Variants in BTBD1 observed in about 807,000 individuals in gnomAD.
BTBD1 encodes BTB domain containing 1, also known as BTB/POZ domain-containing protein 1.
In BTBD1, 34 loss-of-function variants were observed where a neutral mutation model predicts 48.0. That is an observed-to-expected ratio of 0.71 (90% CI 0.54 to 0.94). The LOEUF (loss-of-function observed/expected upper bound fraction) is 0.94, where lower values mean the gene tolerates loss of function less well. BTBD1 is among the 40% of genes least tolerant of loss of function. BTBD1 has a pLI of 0.00. For synonymous variants in BTBD1, 261 were observed against 242.1 expected, an observed-to-expected ratio of 1.08 and a Z score of -0.72; for missense variants, 543 against 625.6, an observed-to-expected ratio of 0.87 and a Z score of 1.41.
chr15:83,024,024 A>C (rs950181004), intron 5 of BTBD1: 1 of 152,144 alleles, frequency 6.6e-6, no homozygotes, highest in Non-Finnish European at 1.5e-5. Flanking sequence ...ACACGCTACC[A>C]TGCTCAGCTA....
At chr15:83,021,322 G>A (rs1374077051) in intron 5 of BTBD1, among the ~76,000 whole-genome samples, 1 of 152,194 alleles carries the variant, frequency 6.6e-6, no homozygotes, top group Non-Finnish European at 1.5e-5. Flanking sequence ...ACAGAATACT[G>A]GTAGCAGAGG....
At chr15:83,021,722 A>C (rs1346831862) in intron 5 of BTBD1, among the ~76,000 whole-genome samples, 1 of 138,662 alleles carries the variant, frequency 7.2e-6, no homozygotes, top group Non-Finnish European at 1.6e-5. Flanking sequence ...ATCCTGGGTG[A>C]CAGAGCGAGA....
chr15:83,039,986 C>A (rs2032715021), intron 4 of BTBD1, among the ~76,000 whole-genome samples: 1 of 88,318 alleles, frequency 1.1e-5, no homozygotes, highest in South Asian at 3.0e-4. Flanking sequence ...GAGAATGTGA[C>A]ACACACACAC....
At chr15:83,051,724 C>T (rs2032985616) in intron 2 of BTBD1, among the ~76,000 whole-genome samples, 1 of 151,254 alleles carries the variant, frequency 6.6e-6, no homozygotes. Context: ...TTTAACTGCA[C>T]CTTTTTTGTT....
intron 1 of BTBD1, among the ~76,000 whole-genome samples, chr15:83,063,987 C>G (rs903580991): frequency 7.2e-5 from 11 of 152,152 alleles, no homozygotes; most frequent in African/African-American, 2.4e-4. Context: ...TCCCAAACAC[C>G]TACAACAGCC....
intron 4 of BTBD1, among the ~76,000 whole-genome samples, chr15:83,033,982 G>A (rs1018294645): frequency 1.3e-5 from 2 of 151,328 alleles, no homozygotes; most frequent in African/African-American, 4.9e-5. Context: ...CTTTAATACG[G>A]GAGGCTGAGG....
Position 83,018,749 on chromosome 15 carries a change from C to A in BTBD1, c.1248G>T (p.Glu416Asp). ...TFRVMFKEPI[E>D]ILPNVCYTAC... ...CTGTGTAGCACACATTGGGCAGGAT[C>A]TCTATGGGTTCCTTGAACATGACCC... Residue 416 changes from glutamate (E) to aspartate (D), a missense_variant, in exon 7 of 8, where the codon GAG (glutamate) becomes GAT (aspartate). This residue lies in a region of BTBD1 where 300 missense variants were observed against 350.0 expected (regional missense o/e 0.86). Transcript: ENST00000261721. 1 of 1,614,120 alleles carries A rather than the reference C, an allele frequency of 6.2e-7. No individual in the cohort carries two copies. The highest frequency in any genetic ancestry group is 1.3e-5 in the African/African-American group (1 of 75,038).
chr15:83,044,954 A>C lies in BTBD1; in HGVS notation c.665-3029T>G, dbSNP rs544112243. Among the ~76,000 whole-genome samples, 10 of 152,278 alleles carry C rather than the reference A, an allele frequency of 6.6e-5. No individual in the cohort carries two copies. The South Asian group carries it at 2.1e-3, about 32-fold the overall frequency. On this transcript the variant is annotated intron_variant, in intron 3 of 7. Coordinates refer to ENST00000261721, the MANE Select transcript of BTBD1 (RefSeq NM_025238.4). Reference sequence around the variant, plus strand: ...GGATCATCCCTTTGGTTAATAAATAAATGTGTTTGTGCTAATAAAAAAATA... The same window carrying C: ...GGATCATCCCTTTGGTTAATAAATACATGTGTTTGTGCTAATAAAAAAATA...
intron 1 of BTBD1, among the ~76,000 whole-genome samples, chr15:83,062,833 G>C (rs1286037139): frequency 2.0e-5 from 3 of 152,074 alleles, no homozygotes; most frequent in Non-Finnish European, 4.4e-5. Flanking sequence ...GCCCCTTCCA[G>C]CCATCACGTC....
chr15:83,044,563 G>C, intron 3 of BTBD1: 1 of 1,597,950 alleles, frequency 6.3e-7, no homozygotes, highest in Non-Finnish European at 8.6e-7. Context: ...CAGTTTTCTT[G>C]TACCCTGGGA....
At chr15:83,048,730 A>C (rs893812759) in intron 3 of BTBD1, among the ~76,000 whole-genome samples, 1 of 152,250 alleles carries the variant, frequency 6.6e-6, no homozygotes, top group South Asian at 2.1e-4. Context: ...ACAAGAGTTA[A>C]GTTCCTATGG....
intron 5 of BTBD1, among the ~76,000 whole-genome samples, chr15:83,026,969 CGT>C (rs71156067): frequency 0.038 from 5,707 of 150,036 alleles, 267 homozygotes; most frequent in African/African-American, 0.11. Flanking sequence ...AGGGGAAATA[CGT>C]GTGTGTGTGT....
intron 1 of BTBD1, among the ~76,000 whole-genome samples, chr15:83,058,566 A>G (rs1476032686): frequency 6.6e-6 from 1 of 152,114 alleles, no homozygotes; most frequent in East Asian, 1.9e-4. Context: ...CGGAGATCGC[A>G]ACACTGCACT....
intron 1 of BTBD1, among the ~76,000 whole-genome samples, chr15:83,057,436 G>A (rs2033106775): frequency 6.6e-6 from 1 of 152,044 alleles, no homozygotes; most frequent in Non-Finnish European, 1.5e-5. Context: ...AATAACGCCT[G>A]ACAAAAAAAA....
In BTBD1 at chr15:83,036,307, T is replaced by C. The variant is rs191764383; in HGVS notation, c.862+5421A>G. On this transcript the variant is annotated intron_variant, in intron 4 of 7. Transcript: ENST00000261721. Reference sequence around the variant, plus strand: ...TCTGTCAGACTGGATTAAAAAATTATTGGCATATTCAACATCATTAATCAT... The same window carrying C: ...TCTGTCAGACTGGATTAAAAAATTACTGGCATATTCAACATCATTAATCAT... Among the ~76,000 whole-genome samples, 20 of 152,334 alleles carry C rather than the reference T, an allele frequency of 1.3e-4. No individual in the cohort carries two copies. The East Asian group carries it at 3.5e-3, about 26-fold the overall frequency.
chr15:83,051,723 A>G (rs2032985566), intron 2 of BTBD1, among the ~76,000 whole-genome samples: 1 of 151,742 alleles, frequency 6.6e-6, no homozygotes, highest in African/African-American at 2.4e-5. Context: ...TTTTAACTGC[A>G]CCTTTTTTGT....
chr15:83,051,877 TACAC>T (rs113253261), intron 2 of BTBD1, among the ~76,000 whole-genome samples: 4 of 138,902 alleles, frequency 2.9e-5, no homozygotes, highest in Non-Finnish European at 6.1e-5. Flanking sequence ...TCCATATATA[TACAC>T]ACACACACAC....
At chr15:83,042,942 C>G (rs2032797108) in intron 3 of BTBD1, among the ~76,000 whole-genome samples, 1 of 152,014 alleles carries the variant, frequency 6.6e-6, no homozygotes, top group Non-Finnish European at 1.5e-5. Context: ...GAGTTTCAGG[C>G]CAGCCTGGGC....
intron 5 of BTBD1, among the ~76,000 whole-genome samples, chr15:83,023,422 C>T (rs913616058): frequency 1.3e-5 from 2 of 152,096 alleles, no homozygotes; most frequent in Non-Finnish European, 2.9e-5. Flanking sequence ...CTCTGTCACC[C>T]GAACTGGAGA....
Sources: gnomAD v4.1 joint callset for allele counts (sites outside exome capture counted in the v4.1 genomes callset) on GRCh38, gnomAD v4.1.1 for gene constraint, gnomAD v4.1.1 regional missense constraint, MANE v1.5 for transcripts, NCBI Gene and HGNC (gene_info 2026-07-23, HGNC 2026-07-21) for gene names.